The following LTBP1 variants were observed in gnomAD, a reference collection of about 807,000 sequenced individuals.
LTBP1 encodes the protein latent-transforming growth factor beta-binding protein 1.
In LTBP1, 129 loss-of-function variants were observed where a neutral mutation model predicts 207.6. That is an observed-to-expected ratio of 0.62 (90% CI 0.54 to 0.72). LTBP1 has a LOEUF of 0.72. Ranked by LOEUF, LTBP1 falls within the 30% of genes least tolerant of loss-of-function variation. The pLI is 0.00. For missense variants in LTBP1, 2,281 were observed against 2,217.2 expected (o/e 1.03, Z -0.58); for synonymous variants, 963 against 833.7 (o/e 1.16, Z -2.67).
intron 3 of LTBP1, among the ~76,000 whole-genome samples, chr2:33,029,626 A>G (rs527427295): frequency 2.9e-3 from 446 of 152,368 alleles, no homozygotes; most frequent in Admixed American, 8.8e-3. Context: ...TGCCTGGCCC[A>G]CAGTCACTCA....
At chr2:33,135,863 T>A (rs1385145273) in intron 5 of LTBP1, among the ~76,000 whole-genome samples, 1 of 152,202 alleles carries the variant, frequency 6.6e-6, no homozygotes, top group South Asian at 2.1e-4. Flanking sequence ...CACGTTACTT[T>A]CTGAGTTACT....
rs188526346 is a variant in LTBP1 at position 33,031,181 on chromosome 2, C to G, written c.863+9975C>G. Among the ~76,000 whole-genome samples, 329 of 152,280 alleles carry G rather than the reference C, an allele frequency of 2.2e-3. 5 individuals carry two copies. The highest frequency in any genetic ancestry group is 0.019 in the Admixed American group (295 of 15,294). On this transcript the variant is annotated intron_variant, in intron 3 of 33. Coordinates refer to ENST00000404816, the MANE Select transcript of LTBP1 (RefSeq NM_206943.4). ...TTGTCCATGAGGACAAGAATACAAT[C>G]TGTTACTCATTGACTGGGTAATTTA...
At chr2:33,332,398 AGAG>A (rs775964552) in intron 24 of LTBP1, among the ~76,000 whole-genome samples, 2 of 132,130 alleles carry the variant, frequency 1.5e-5, no homozygotes, top group Non-Finnish European at 3.3e-5. Flanking sequence ...AAAAAAAAAA[AGAG>A]AGAGAGAGAC....
intron 2 of LTBP1, 126 bp downstream of exon 2, chr2:32,949,071 C>G (rs1676711077): frequency 3.4e-6 from 3 of 881,802 alleles, no homozygotes; most frequent in East Asian, 2.5e-5. Flanking sequence ...ATACAATCCA[C>G]CCAGGCTTCA....
At chr2:32,995,278 G>T (rs551492184) in intron 2 of LTBP1, among the ~76,000 whole-genome samples, 1 of 152,194 alleles carries the variant, frequency 6.6e-6, no homozygotes, top group East Asian at 1.9e-4. Context: ...ATAGGGCAGT[G>T]CCTCTCGAAC....
At chr2:33,216,067 G>A (rs1378101337) in intron 7 of LTBP1, among the ~76,000 whole-genome samples, 1 of 152,158 alleles carries the variant, frequency 6.6e-6, no homozygotes, top group Non-Finnish European at 1.5e-5. Context: ...CAACTAGCTT[G>A]TTCCTTAGTT....
At chr2:33,060,041 A>G (rs528275386) in intron 3 of LTBP1, among the ~76,000 whole-genome samples, 1 of 152,356 alleles carries the variant, frequency 6.6e-6, no homozygotes, top group Admixed American at 6.5e-5. Context: ...GGCAATGTCA[A>G]AGATTTTTTT....
At chr2:33,213,669 T>C (rs1490506719) in intron 7 of LTBP1, among the ~76,000 whole-genome samples, 1 of 152,226 alleles carries the variant, frequency 6.6e-6, no homozygotes. Flanking sequence ...CAGAGATCTC[T>C]CAGATGGAGT....
intron 3 of LTBP1, among the ~76,000 whole-genome samples, chr2:33,091,536 A>T (rs1379381961): frequency 6.6e-6 from 1 of 152,100 alleles, no homozygotes; most frequent in African/African-American, 2.4e-5. Flanking sequence ...TCTCTCTTTT[A>T]TCTTTGTATC....
At chr2:33,016,931 T>C (rs2149169301) in intron 2 of LTBP1, among the ~76,000 whole-genome samples, 1 of 152,250 alleles carries the variant, frequency 6.6e-6, no homozygotes. Flanking sequence ...GCAGGAGAAT[T>C]GCTTGAATCT....
At chr2:33,069,734 C>T (rs149180150) in intron 3 of LTBP1, among the ~76,000 whole-genome samples, 320 of 152,356 alleles carry the variant, frequency 2.1e-3, no homozygotes, top group African/African-American at 7.3e-3. Context: ...CCTCTTCATT[C>T]TCCCTTTCCC....
chr2:33,110,461 A>G, intron 3 of LTBP1, 121 bp from the exon 4 acceptor site: 2 of 871,694 alleles, frequency 2.3e-6, no homozygotes, highest in Non-Finnish European at 3.5e-6. Context: ...AGGAAAAAAA[A>G]TGAGCCTTGC....
intron 2 of LTBP1, among the ~76,000 whole-genome samples, chr2:32,995,918 G>A (rs142449530): frequency 0.01 from 1,543 of 152,288 alleles, 12 homozygotes; most frequent in Middle Eastern, 0.031. Context: ...TATAGATGAG[G>A]AAATCGAGGT....
chr2:33,291,587 T>G (rs2093775851), intron 19 of LTBP1: 1 of 152,116 alleles, frequency 6.6e-6, no homozygotes, highest in South Asian at 2.1e-4. Flanking sequence ...GGTTAATGAG[T>G]CAGTCTGGAA....
chr2:32,966,031 T>C (rs895415307), intron 2 of LTBP1, among the ~76,000 whole-genome samples: 2 of 152,202 alleles, frequency 1.3e-5, no homozygotes, highest in African/African-American at 4.8e-5. Context: ...GCCATTCTAA[T>C]AGTTATGTAG....
At chr2:33,353,390 C>G (rs543541763) in intron 26 of LTBP1, among the ~76,000 whole-genome samples, 1 of 152,166 alleles carries the variant, frequency 6.6e-6, no homozygotes, top group Non-Finnish European at 1.5e-5. Context: ...AGGATTCTGC[C>G]TCTCTGCTCT....
rs74651794 is a variant in LTBP1, at chr2:33,106,323, C to T, written c.864-4259C>T. On this transcript the variant is annotated intron_variant, in intron 3 of 33. Transcript: ENST00000404816. ...TATTTGGACCTCCTCCCATGAATCA[C>T]AAATGTTCTAATGGCATATAGAATG... 8.0e-3 allele frequency among the ~76,000 whole-genome samples: 1,212 copies of T among 152,334 alleles called. 11 individuals are homozygous for T. Among genetic ancestry groups the T allele is most frequent in the Middle Eastern group, 0.01 (3 of 294 alleles).
intron 24 of LTBP1, among the ~76,000 whole-genome samples, chr2:33,320,885 T>G (rs768350487): frequency 1.9e-4 from 29 of 152,182 alleles, no homozygotes; most frequent in Non-Finnish European, 3.1e-4. Context: ...ATGAAAACTC[T>G]CTGTGTAATC....
At chr2:33,333,498 T>C (rs756099625) in intron 24 of LTBP1, among the ~76,000 whole-genome samples, 3 of 152,200 alleles carry the variant, frequency 2.0e-5, no homozygotes, top group African/African-American at 4.8e-5. Context: ...ACTCCAAAAA[T>C]GCTCTGGAGA....
Sources: allele counts gnomAD v4.1 joint callset (sites outside exome capture counted in the v4.1 genomes callset), GRCh38; gene constraint gnomAD v4.1.1; transcripts MANE v1.5; gene names NCBI Gene and HGNC (gene_info 2026-07-23, HGNC 2026-07-21).